GALNT13: variants seen among roughly 807,000 people sequenced by gnomAD.
The protein encoded by GALNT13 is polypeptide N-acetylgalactosaminyltransferase 13, also known as UDP-GalNAc:polypeptide N-acetylgalactosaminyltransferase 13.
Under a neutral mutation model 64.2 loss-of-function variants are expected in GALNT13, and 28 were observed. The observed-to-expected ratio is 0.44, with a 90% CI of 0.32 to 0.60. The LOEUF (loss-of-function observed/expected upper bound fraction) is 0.60, where lower values mean the gene tolerates loss of function less well. Ranked by LOEUF, GALNT13 falls within the 20% of genes least tolerant of loss-of-function variation. GALNT13 has a pLI of 0.05. For missense variants in GALNT13, 577 were observed against 669.8 expected (o/e 0.86, Z 1.53); for synonymous variants, 214 against 224.6 (o/e 0.95, Z 0.42).
intron 9 of GALNT13, among the ~76,000 whole-genome samples, chr2:154,369,226 T>C (rs1697544872): frequency 6.6e-6 from 1 of 152,018 alleles, no homozygotes; most frequent in African/African-American, 2.4e-5. Flanking sequence ...CAAGGTACTT[T>C]GGGAGAGGCA....
the GALNT13 span, among the ~76,000 whole-genome samples, chr2:153,438,718 C>G: frequency 6.6e-6 from 1 of 151,812 alleles, no homozygotes; most frequent in East Asian, 1.9e-4. Context: ...ATTCTAGTTA[C>G]CATTCATCTA....
At chr2:153,219,856 A>C in the GALNT13 span, among the ~76,000 whole-genome samples, 3 of 152,166 alleles carry the variant, frequency 2.0e-5, no homozygotes, top group Non-Finnish European at 4.4e-5. Context: ...CTGGGAGAAA[A>C]ATGTAGAATG....
At chr2:154,235,095 G>A (rs1689123035) in intron 4 of GALNT13, among the ~76,000 whole-genome samples, 1 of 152,102 alleles carries the variant, frequency 6.6e-6, no homozygotes, top group Non-Finnish European at 1.5e-5. Flanking sequence ...AAGCCAAGAA[G>A]TATGGGAGCG....
At chr2:153,966,045 T>G (rs1476959601) in intron 3 of GALNT13, among the ~76,000 whole-genome samples, 2 of 152,030 alleles carry the variant, frequency 1.3e-5, no homozygotes, top group Admixed American at 6.5e-5. Flanking sequence ...TTTTATACTT[T>G]CATATCATGT....
At chr2:153,342,653 T>C in the GALNT13 span, among the ~76,000 whole-genome samples, 11 of 152,102 alleles carry the variant, frequency 7.2e-5, no homozygotes, top group Non-Finnish European at 1.5e-4. Flanking sequence ...ATGACTGGAG[T>C]TGAAATTAAA....
chr2:153,787,293 A>C, the GALNT13 span, among the ~76,000 whole-genome samples: 2 of 152,154 alleles, frequency 1.3e-5, no homozygotes, highest in Non-Finnish European at 1.5e-5. Context: ...GCTACACTTA[A>C]GTGCCACCTA....
the GALNT13 span, among the ~76,000 whole-genome samples, chr2:153,373,982 A>G: frequency 6.6e-6 from 1 of 152,170 alleles, no homozygotes; most frequent in Non-Finnish European, 1.5e-5. Flanking sequence ...TATTGTATGT[A>G]TATACCACAT....
At chr2:153,957,547 C>T (rs1173911541) in intron 3 of GALNT13, among the ~76,000 whole-genome samples, 4 of 152,192 alleles carry the variant, frequency 2.6e-5, no homozygotes, top group Admixed American at 6.5e-5. Context: ...TTTTTTCTCT[C>T]TCTTACCAGG....
At chr2:153,234,221 GC>G in the GALNT13 span, among the ~76,000 whole-genome samples, 1 of 152,158 alleles carries the variant, frequency 6.6e-6, no homozygotes, top group Non-Finnish European at 1.5e-5. Context: ...CTACCCTGAA[GC>G]CCAGCCCAGG....
the GALNT13 span, among the ~76,000 whole-genome samples, chr2:153,601,479 AT>A: frequency 5.3e-5 from 8 of 151,742 alleles, no homozygotes; most frequent in East Asian, 1.6e-3. Context: ...AAAGAATGTC[AT>A]TTTTCCCTCT....
At chr2:153,772,080 GC>G in the GALNT13 span, among the ~76,000 whole-genome samples, 5 of 152,198 alleles carry the variant, frequency 3.3e-5, no homozygotes, top group African/African-American at 9.6e-5. Flanking sequence ...ACTGGAGAGA[GC>G]TGATTCCAGT....
the GALNT13 span, among the ~76,000 whole-genome samples, chr2:153,202,841 A>T: frequency 6.6e-6 from 1 of 152,264 alleles, no homozygotes; most frequent in African/African-American, 2.4e-5. Context: ...TTCAAAATTT[A>T]AAAATACGTG....
intron 3 of GALNT13, among the ~76,000 whole-genome samples, chr2:154,079,602 T>C (rs896989242): frequency 6.6e-6 from 1 of 151,522 alleles, no homozygotes; most frequent in Admixed American, 6.6e-5. Flanking sequence ...TTCTTTCATC[T>C]TGTACCCCTT....
intron 4 of GALNT13, among the ~76,000 whole-genome samples, chr2:154,209,530 A>G (rs1297216011): frequency 6.6e-6 from 1 of 152,150 alleles, no homozygotes; most frequent in East Asian, 1.9e-4. Flanking sequence ...AAGCTATAAC[A>G]TGTTTTACTG....
At chr2:153,867,381 AT>A (rs1685785256), upstream of GALNT13, among the ~76,000 whole-genome samples, 1 of 123,888 alleles carries the variant, frequency 8.1e-6, no homozygotes, top group Admixed American at 9.9e-5. Flanking sequence ...TCTATAAACT[AT>A]TTGTGGTGCA....
At chr2:153,940,631 C>T (rs1488731161) in intron 2 of GALNT13, among the ~76,000 whole-genome samples, 1 of 152,098 alleles carries the variant, frequency 6.6e-6, no homozygotes, top group Non-Finnish European at 1.5e-5. Context: ...GGTATTTTTT[C>T]AGGGCTTACT....
chr2:153,770,136 GT>G, the GALNT13 span, among the ~76,000 whole-genome samples: 1 of 151,984 alleles, frequency 6.6e-6, no homozygotes. Flanking sequence ...GTGACACTTT[GT>G]TTTTTTCCTA....
At chr2:153,404,531 GA>G in the GALNT13 span, among the ~76,000 whole-genome samples, 1 of 149,170 alleles carries the variant, frequency 6.7e-6, no homozygotes, top group Non-Finnish European at 1.5e-5. Flanking sequence ...TTTTACTTTA[GA>G]AAAAAAATCT....
At chr2:153,248,462 C>T in the GALNT13 span, among the ~76,000 whole-genome samples, 7 of 151,920 alleles carry the variant, frequency 4.6e-5, no homozygotes, top group East Asian at 5.8e-4. Flanking sequence ...GGGCAAAAAC[C>T]GCTTGATTAT....
Sources: allele counts gnomAD v4.1 joint callset (sites outside exome capture counted in the v4.1 genomes callset), GRCh38; gene constraint gnomAD v4.1.1; transcripts MANE v1.5; gene names NCBI Gene and HGNC (gene_info 2026-07-23, HGNC 2026-07-21).